PRUNE2: variants seen among roughly 807,000 people sequenced by gnomAD.
The protein encoded by PRUNE2 is prune homolog 2 with BCH domain.
PRUNE2 carries 164 observed loss-of-function variants against 252.0 expected under a neutral mutation model. The observed-to-expected ratio is 0.65, with a 90% CI of 0.57 to 0.74. The LOEUF (loss-of-function observed/expected upper bound fraction) is 0.74, where lower values mean the gene tolerates loss of function less well. Ranked by LOEUF, PRUNE2 falls within the 30% of genes least tolerant of loss-of-function variation. The pLI is 0.00. For synonymous variants in PRUNE2, 1,292 were observed against 1,350.2 expected, an observed-to-expected ratio of 0.96 and a Z score of 0.94; for missense variants, 3,495 against 3,711.0, an observed-to-expected ratio of 0.94 and a Z score of 1.51.
chr9:76,701,100 G>T (rs1362518712), intron 9 of PRUNE2, among the ~76,000 whole-genome samples: 2 of 152,184 alleles, frequency 1.3e-5, no homozygotes, highest in Non-Finnish European at 2.9e-5. Flanking sequence ...AGTTGCTGAA[G>T]CTCAGCTGGC....
chr9:76,845,851 A>C (rs2059642422), intron 4 of PRUNE2, among the ~76,000 whole-genome samples: 1 of 152,162 alleles, frequency 6.6e-6, no homozygotes, highest in Admixed American at 6.5e-5. Flanking sequence ...TTCTGTGGTA[A>C]TTTTGTGGTT....
intron 6 of PRUNE2, chr9:76,778,306 C>T (rs2054017308): frequency 6.6e-6 from 1 of 152,204 alleles, no homozygotes; most frequent in African/African-American, 2.4e-5. Flanking sequence ...ACAAATACAG[C>T]CTTTCACCCT....
At chr9:76,624,555 GTCAC>G in intron 16 of PRUNE2, 65 bp from the exon 17 acceptor site, 1 of 1,197,224 alleles carries the variant, frequency 8.4e-7, no homozygotes. Context: ...GCATGAGACA[GTCAC>G]TCAGCAAAGC....
intron 4 of PRUNE2, among the ~76,000 whole-genome samples, chr9:76,834,496 A>T (rs1453885058): frequency 6.6e-6 from 1 of 152,192 alleles, no homozygotes; most frequent in African/African-American, 2.4e-5. Context: ...TTAAATACTT[A>T]ATGTGCCCTG....
chr9:76,721,045 T>C (rs774082138), intron 6 of PRUNE2, among the ~76,000 whole-genome samples: 2 of 152,108 alleles, frequency 1.3e-5, no homozygotes, highest in Non-Finnish European at 2.9e-5. Context: ...GAGCTTGCAG[T>C]GAGCCGAGAT....
chr9:76,898,777 C>G (rs2062995892), intron 1 of PRUNE2, among the ~76,000 whole-genome samples: 1 of 152,168 alleles, frequency 6.6e-6, no homozygotes, highest in Admixed American at 6.5e-5. Flanking sequence ...CAAGAAATAT[C>G]AAATGCATGG....
chr9:76,669,349 C>T lies in PRUNE2; in HGVS notation c.8277-13847G>A, dbSNP rs551214906. Among the ~76,000 whole-genome samples the T allele has an allele frequency of 2.0e-5, 3 of 151,824 alleles. No individual in the cohort carries two copies. The East Asian group carries it at 5.9e-4, about 30-fold the overall frequency. On this transcript the variant is annotated intron_variant, in intron 9 of 18. Coordinates refer to ENST00000376718, the MANE Select transcript of PRUNE2 (RefSeq NM_015225.3). ...TTCTTTTTTTTTTGAGATGAAGTTT[C>T]ACTCTTGTCACCCAGGCTGGAGTGC...
intron 6 of PRUNE2, among the ~76,000 whole-genome samples, chr9:76,740,943 G>C (rs77091139): frequency 6.6e-6 from 1 of 152,124 alleles, no homozygotes; most frequent in African/African-American, 2.4e-5. Context: ...ATTTAAATTA[G>C]TGATGCTTGA....
chr9:76,615,771 T>TTTTG (rs1169681305), intron 18 of PRUNE2, among the ~76,000 whole-genome samples: 2 of 134,512 alleles, frequency 1.5e-5, no homozygotes, highest in African/African-American at 5.6e-5. Flanking sequence ...TGTGTGTGGT[T>TTTTG]TTTTTTTTTT....
rs151175785 is a variant in PRUNE2, at chr9:76,760,209, G to A, written c.757-46488C>T. ...TGATGGTACTGCAACCTGAGCACCC[G>A]GCACACAGCAGGCACTCCGTATATG... On this transcript the variant is annotated intron_variant, in intron 6 of 18. Transcript: ENST00000376718. Among the ~76,000 whole-genome samples the A allele has an allele frequency of 1.1e-3, 161 of 152,134 alleles. 2 individuals carry two copies. Among genetic ancestry groups the A allele is most frequent in the South Asian group, 9.2e-3 (44 of 4,808 alleles).
intron 9 of PRUNE2, among the ~76,000 whole-genome samples, chr9:76,683,377 GA>G (rs1318218855): frequency 6.6e-6 from 1 of 151,690 alleles, no homozygotes; most frequent in Non-Finnish European, 1.5e-5. Context: ...ATGAGTGAAG[GA>G]AAAAAAATGG....
rs1390663717 is a variant in PRUNE2, at chr9:76,709,783, G to A, written c.2491C>T (p.Pro831Ser). The A allele has an allele frequency of 6.2e-7, 1 of 1,613,916 alleles. No individual in the cohort carries two copies. The highest frequency in any genetic ancestry group is 2.2e-5 in the East Asian group (1 of 44,864). ...CTTTTTGCCATGGCCCACTCATTCG[G>A]GTCCCTAACAGAAGGTGTCTTGCTG... ...TSSKTPSVRD[P>S]NEWAMAKSGF... is the part of the protein sequence containing the mutation. Residue 831 changes from proline (P) to serine (S), a missense_variant, in exon 8 of 19, where the codon CCG becomes TCG. Transcript: ENST00000376718.
chr9:76,645,210 T>C, intron 11 of PRUNE2: 1 of 263,988 alleles, frequency 3.8e-6, no homozygotes, highest in South Asian at 7.2e-5. Flanking sequence ...CTTGCATGGG[T>C]AGTGGTCCAA....
chr9:76,648,016 T>C (rs1845688497), intron 11 of PRUNE2, among the ~76,000 whole-genome samples: 1 of 152,020 alleles, frequency 6.6e-6, no homozygotes, highest in African/African-American at 2.4e-5. Context: ...GCAAAAGACC[T>C]GGACAGGTAC....
intron 18 of PRUNE2, chr9:76,615,146 G>A: frequency 1.0e-6 from 1 of 985,522 alleles, no homozygotes; most frequent in Non-Finnish European, 1.2e-6. Flanking sequence ...TTTTCAGAAG[G>A]TCAAATGGGT....
At chr9:76,797,665 A>T (rs1017479861) in intron 6 of PRUNE2, among the ~76,000 whole-genome samples, 1 of 151,856 alleles carries the variant, frequency 6.6e-6, no homozygotes, top group African/African-American at 2.4e-5. Context: ...ATAGATCTTG[A>T]ACCGCCCCCC....
At chr9:76,894,835 C>T (rs933206764) in intron 1 of PRUNE2, among the ~76,000 whole-genome samples, 1 of 151,808 alleles carries the variant, frequency 6.6e-6, no homozygotes, top group Non-Finnish European at 1.5e-5. Flanking sequence ...GCCTGTCCAA[C>T]ATGATGAAAC....
At chr9:76,668,939 T>C (rs1468602843) in intron 9 of PRUNE2, among the ~76,000 whole-genome samples, 3 of 150,528 alleles carry the variant, frequency 2.0e-5, no homozygotes, top group Non-Finnish European at 3.0e-5. Context: ...CTGAGGCCTC[T>C]CTCCTGGACT....
intron 6 of PRUNE2, among the ~76,000 whole-genome samples, chr9:76,811,660 A>G (rs920540897): frequency 1.3e-5 from 2 of 152,236 alleles, no homozygotes; most frequent in Non-Finnish European, 2.9e-5. Flanking sequence ...GTCTAGAAAC[A>G]TACAAATTTT....
Sources: allele counts gnomAD v4.1 joint callset (sites outside exome capture counted in the v4.1 genomes callset), GRCh38; gene constraint gnomAD v4.1.1; transcripts MANE v1.5; gene names NCBI Gene and HGNC (gene_info 2026-07-23, HGNC 2026-07-21).